RYR2: variants seen among roughly 807,000 people sequenced by gnomAD.
RYR2 encodes cardiac muscle ryanodine receptor-calcium release channel.
RYR2 carries 227 observed loss-of-function variants against 601.1 expected under a neutral mutation model. The ratio of observed to expected loss-of-function variants is 0.38; its 90% CI spans 0.34 to 0.42. The LOEUF (loss-of-function observed/expected upper bound fraction) is 0.42. Among genes scored for constraint, RYR2 ranks in the 10% least tolerant of loss-of-function variants. RYR2 has a pLI of 1.00. For synonymous variants in RYR2, 2,223 were observed against 2,175.1 expected, an observed-to-expected ratio of 1.02 and a Z score of -0.61; for missense variants, 4,646 against 6,156.5, an observed-to-expected ratio of 0.75 and a Z score of 8.21.
intron 38 of RYR2, among the ~76,000 whole-genome samples, 157 bp from the exon 39 acceptor site, chr1:237,623,608 G>T (rs2148648064): frequency 6.6e-6 from 1 of 151,770 alleles, no homozygotes; most frequent in African/African-American, 2.4e-5. Context: ...TGGCCAGGCT[G>T]GTCTCAAAAT....
rs1025400310 is a variant in RYR2, at chr1:237,059,434, G to A, written c.48+16865G>A. Among the ~76,000 whole-genome samples the A allele has an allele frequency of 2.6e-5, 4 of 152,096 alleles. No homozygotes were observed. The East Asian group carries it at 5.8e-4, about 22-fold the overall frequency. ...TGTTGTTCATACCACCAGGAGTCGA[G>A]AACTCTGCATAACTTAGCAGTACAG... On this transcript the variant is annotated intron_variant, in intron 1 of 104. Coordinates refer to ENST00000366574, the MANE Select transcript of RYR2 (RefSeq NM_001035.3).
chr1:237,099,113 A>G (rs922092809), intron 1 of RYR2, among the ~76,000 whole-genome samples: 1 of 151,362 alleles, frequency 6.6e-6, no homozygotes, highest in African/African-American at 2.5e-5. Context: ...ACGGAAAAAA[A>G]AAAACCCAGG....
At chr1:237,094,078 A>AC (rs764151236) in intron 1 of RYR2, among the ~76,000 whole-genome samples, 64 of 152,088 alleles carry the variant, frequency 4.2e-4, no homozygotes, top group Non-Finnish European at 7.1e-4. Flanking sequence ...AGCTGGCCTG[A>AC]CTCCCTTCTT....
intron 27 of RYR2, among the ~76,000 whole-genome samples, chr1:237,556,783 G>A (rs1285844830): frequency 1.3e-5 from 2 of 150,782 alleles, no homozygotes; most frequent in African/African-American, 4.9e-5. Flanking sequence ...CATAACACAG[G>A]GGGTTTAAAT....
At chr1:237,787,630 A>G (rs1372202542) in intron 91 of RYR2, among the ~76,000 whole-genome samples, 1 of 150,708 alleles carries the variant, frequency 6.6e-6, no homozygotes, top group Non-Finnish European at 1.5e-5. Flanking sequence ...GATTGAAATT[A>G]TAATTTAAAA....
intron 1 of RYR2, among the ~76,000 whole-genome samples, chr1:237,141,004 T>C (rs1444827233): frequency 1.3e-5 from 2 of 152,240 alleles, no homozygotes; most frequent in African/African-American, 4.8e-5. Flanking sequence ...ACATTTATAT[T>C]GTTTCATTTT....
chr1:237,159,578 C>T (rs1675782031), intron 1 of RYR2, among the ~76,000 whole-genome samples: 1 of 152,046 alleles, frequency 6.6e-6, no homozygotes. Flanking sequence ...TGCCTGTAAT[C>T]CCAGCATTTT....
At chr1:237,570,495 T>C (rs779497016) in intron 29 of RYR2, among the ~76,000 whole-genome samples, 2 of 151,764 alleles carry the variant, frequency 1.3e-5, no homozygotes, top group Non-Finnish European at 2.9e-5. Context: ...CTTACCACCA[T>C]GCCCAGCTAA....
At chr1:237,215,219 T>C (rs1683028841) in intron 1 of RYR2, among the ~76,000 whole-genome samples, 1 of 152,168 alleles carries the variant, frequency 6.6e-6, no homozygotes, top group East Asian at 1.9e-4. Flanking sequence ...TATGTAGCAT[T>C]GGCAGGATCT....
At position 237,569,388 on chromosome 1, in the gene RYR2, TA is replaced by T. The variant is rs1572910887; in HGVS notation, c.3598+71del. 7.4e-6 allele frequency: 11 copies of T among 1,488,476 alleles called. No homozygotes were observed. In the East Asian group the frequency reaches 2.6e-4, roughly 36 times the overall value. The allele number at this position is 1,488,476 out of a possible 1,614,324, so 92.2% of individuals were successfully genotyped here. ...AGGAAGCTTTCATCCTGAGGCTTCC[TA>T]ACCGGGCGTTTCTGTTTCAGGGTGA... On this transcript the variant is annotated intron_variant, in intron 29 of 104. Coordinates refer to ENST00000366574, the MANE Select transcript of RYR2 (RefSeq NM_001035.3).
chr1:237,518,376 C>A (rs1174897911), intron 24 of RYR2, among the ~76,000 whole-genome samples: 2 of 152,024 alleles, frequency 1.3e-5, no homozygotes, highest in African/African-American at 4.8e-5. Flanking sequence ...GTATATTGCA[C>A]CCATTACGTA....
intron 1 of RYR2, among the ~76,000 whole-genome samples, chr1:237,095,509 T>G (rs1464491819): frequency 6.6e-6 from 1 of 152,188 alleles, no homozygotes; most frequent in Non-Finnish European, 1.5e-5. Flanking sequence ...GGGTTATTTA[T>G]CATAATTTTA....
chr1:237,364,649 C>T (rs541458127), intron 5 of RYR2, among the ~76,000 whole-genome samples: 15 of 152,000 alleles, frequency 9.9e-5, no homozygotes, highest in Non-Finnish European at 1.8e-4. Context: ...AGATAAATCA[C>T]GTTTAGATTT....
At chr1:237,480,159 C>T (rs1661875996) in intron 17 of RYR2, among the ~76,000 whole-genome samples, 1 of 152,026 alleles carries the variant, frequency 6.6e-6, no homozygotes, top group South Asian at 2.1e-4. Context: ...TGGCTCATGC[C>T]TGTAATCCCA....
intron 29 of RYR2, among the ~76,000 whole-genome samples, chr1:237,576,440 C>T (rs1386962652): frequency 1.3e-5 from 2 of 152,012 alleles, no homozygotes; most frequent in Non-Finnish European, 2.9e-5. Flanking sequence ...ATGCCAGAAA[C>T]ATAGAACTGA....
chr1:237,605,391 C>T (rs1399382321), intron 35 of RYR2, among the ~76,000 whole-genome samples: 1 of 152,154 alleles, frequency 6.6e-6, no homozygotes, highest in African/African-American at 2.4e-5. Flanking sequence ...GCTAAAAACT[C>T]TCAATAAATT....
At position 237,508,734 on chromosome 1, in the gene RYR2, C is replaced by CT. The variant is rs869044432; in HGVS notation, c.2718+1946dup. Among the ~76,000 whole-genome samples, 699 of 77,664 alleles carry CT rather than the reference C, an allele frequency of 9.0e-3. 45 individuals are homozygous for CT. Among genetic ancestry groups the CT allele is most frequent in the East Asian group, 0.04 (80 of 2,010 alleles). 51.0% of individuals were successfully genotyped at this position (77,664 alleles called of 152,430 possible). A position where few individuals can be genotyped will look rare whatever the true frequency, so the allele number is the denominator to read the frequency against. On this transcript the variant is annotated intron_variant, in intron 23 of 104. Coordinates refer to ENST00000366574, the MANE Select transcript of RYR2 (RefSeq NM_001035.3). The stretch of plus-strand genomic sequence containing the variant: ...ATGTTCAAGACACTCTTCGGGTTTT[C>CT]TTTTTTTTTTTTTTTTTTTTTTTTT...
At chr1:237,470,958 C>T (rs1660655771) in intron 17 of RYR2, among the ~76,000 whole-genome samples, 1 of 152,014 alleles carries the variant, frequency 6.6e-6, no homozygotes, top group South Asian at 2.1e-4. Context: ...GAAATCTGGC[C>T]TGCACCAGAG....
At position 237,640,942 on chromosome 1, in the gene RYR2, G is replaced by C. The variant is rs371560909; in HGVS notation, c.7161G>C (p.Ala2387=). ...ATGACACTATCCACATGGGGAACGC[G>C]ATCATGACCTTCTATTCAGCTTTGA... The part of the protein sequence containing the change: ...EEDDTIHMGN[A]IMTFYSALID... The change falls in exon 47 of 105, where the codon GCG becomes GCC. Residue 2387 remains alanine, a synonymous_variant. Coordinates refer to ENST00000366574, the MANE Select transcript of RYR2 (RefSeq NM_001035.3). 33 of 1,613,560 alleles carry C rather than the reference G, an allele frequency of 2.0e-5. 1 individual carries two copies. The African/African-American group carries it at 4.1e-4, about 20-fold the overall frequency.
Sources: gnomAD v4.1 joint callset for allele counts (sites outside exome capture counted in the v4.1 genomes callset) on GRCh38, gnomAD v4.1.1 for gene constraint, MANE v1.5 for transcripts, NCBI Gene and HGNC (gene_info 2026-07-23, HGNC 2026-07-21) for gene names.